Variants in PEBP4 observed in about 807,000 individuals in gnomAD.
PEBP4 encodes the protein phosphatidylethanolamine binding protein 4.
Under a neutral mutation model 23.9 loss-of-function variants are expected in PEBP4, and 22 were observed. The observed-to-expected ratio is 0.92, with a 90% CI of 0.66 to 1.31. The LOEUF (loss-of-function observed/expected upper bound fraction) is 1.31. PEBP4 is among the 40% of genes most tolerant of loss of function. The pLI is 0.00. For missense variants in PEBP4, 324 were observed against 281.7 expected (o/e 1.15, Z -1.07); for synonymous variants, 112 against 99.3 (o/e 1.13, Z -0.76).
chr8:22,898,641 A>G (rs958544263), intron 3 of PEBP4, among the ~76,000 whole-genome samples: 1 of 152,148 alleles, frequency 6.6e-6, no homozygotes, highest in South Asian at 2.1e-4. Flanking sequence ...CGCCCTGCAC[A>G]CCCAAGTGAA....
intron 3 of PEBP4, among the ~76,000 whole-genome samples, chr8:22,878,862 C>A (rs1344433479): frequency 6.6e-6 from 1 of 152,176 alleles, no homozygotes; most frequent in Non-Finnish European, 1.5e-5. Context: ...CACGGGCAGA[C>A]CCTGGAGGCT....
chr8:22,920,485 C>G (rs1809177256), intron 2 of PEBP4, among the ~76,000 whole-genome samples, 175 bp from the exon 3 acceptor site: 1 of 152,162 alleles, frequency 6.6e-6, no homozygotes, highest in South Asian at 2.1e-4. Context: ...CCTCAGTTTC[C>G]TCACCTGTAA....
At chr8:22,850,626 T>C (rs930304224) in intron 3 of PEBP4, among the ~76,000 whole-genome samples, 2 of 152,230 alleles carry the variant, frequency 1.3e-5, no homozygotes, top group Non-Finnish European at 2.9e-5. Context: ...CCTAGCTCTG[T>C]CTGTGGAACC....
chr8:22,737,510 C>T (rs930105830), intron 4 of PEBP4, among the ~76,000 whole-genome samples: 2 of 152,036 alleles, frequency 1.3e-5, no homozygotes, highest in African/African-American at 2.4e-5. Context: ...CCAGGAAATT[C>T]CCCGCTAAGG....
At chr8:22,725,999 A>ATGTGTG (rs10680983) in intron 5 of PEBP4, among the ~76,000 whole-genome samples, 7,952 of 146,366 alleles carry the variant, frequency 0.054, 261 homozygotes, top group East Asian at 0.12. Flanking sequence ...GATCAGATAT[A>ATGTGTG]TGTGTGTGTG....
At chr8:22,824,278 AG>A (rs1806922632) in intron 3 of PEBP4, among the ~76,000 whole-genome samples, 1 of 152,156 alleles carries the variant, frequency 6.6e-6, no homozygotes. Context: ...GGAAAAAAAA[AG>A]TCATGGTGAG....
At chr8:22,735,889 T>C (rs1804850545) in intron 4 of PEBP4, among the ~76,000 whole-genome samples, 1 of 152,256 alleles carries the variant, frequency 6.6e-6, no homozygotes, top group Non-Finnish European at 1.5e-5. Context: ...AAGGGCTACA[T>C]GTTCCTTGTA....
chr8:22,731,825 AT>A (rs572580381), intron 4 of PEBP4, among the ~76,000 whole-genome samples: 12,555 of 141,288 alleles, frequency 0.089, 808 homozygotes, highest in African/African-American at 0.2. Context: ...CGCCCGGCTA[AT>A]TTTTTTTTTT....
chr8:22,906,507 T>TA (rs1420193002), intron 3 of PEBP4, among the ~76,000 whole-genome samples: 4 of 152,108 alleles, frequency 2.6e-5, no homozygotes, highest in African/African-American at 9.7e-5. Flanking sequence ...CTTAAATCTT[T>TA]AAAAAAACAA....
At chr8:22,783,456 G>C (rs1356232818) in intron 4 of PEBP4, among the ~76,000 whole-genome samples, 1 of 152,214 alleles carries the variant, frequency 6.6e-6, no homozygotes, top group Non-Finnish European at 1.5e-5. Context: ...GCCCTCCAAA[G>C]GCAGTGGCGC....
chr8:22,888,667 C>T (rs952738103), intron 3 of PEBP4, among the ~76,000 whole-genome samples: 2 of 151,564 alleles, frequency 1.3e-5, no homozygotes, highest in Admixed American at 1.3e-4. Context: ...CTTCCTAAAC[C>T]ATTAATTTCA....
At chr8:22,912,260 A>C (rs533935287) in intron 3 of PEBP4, among the ~76,000 whole-genome samples, 17 of 152,314 alleles carry the variant, frequency 1.1e-4, no homozygotes, top group Middle Eastern at 3.4e-3. Flanking sequence ...AAGTGATAAC[A>C]ACAACAATGG....
intron 3 of PEBP4, among the ~76,000 whole-genome samples, chr8:22,828,006 A>G (rs886600490): frequency 4.6e-5 from 7 of 152,192 alleles, no homozygotes; most frequent in Admixed American, 2.0e-4. Flanking sequence ...CTTATTGACT[A>G]TTTTTATATC....
intron 3 of PEBP4, among the ~76,000 whole-genome samples, chr8:22,899,762 C>A (rs983844197): frequency 1.3e-5 from 2 of 152,174 alleles, no homozygotes; most frequent in African/African-American, 4.8e-5. Context: ...TCGCAGAATT[C>A]GTGCATGCAC....
intron 6 of PEBP4, among the ~76,000 whole-genome samples, chr8:22,714,630 G>A (rs761945325): frequency 1.3e-5 from 2 of 151,944 alleles, no homozygotes; most frequent in Non-Finnish European, 2.9e-5. Flanking sequence ...CTAGGCAGTG[G>A]TCGATACACA....
intron 1 of PEBP4, among the ~76,000 whole-genome samples, chr8:22,933,607 G>T (rs753641839): frequency 2.6e-4 from 39 of 152,162 alleles, no homozygotes; most frequent in Non-Finnish European, 5.6e-4. Flanking sequence ...AATTAAGAAA[G>T]TCCCAGATAA....
chr8:22,768,029 C>T (rs1805644078), intron 4 of PEBP4, among the ~76,000 whole-genome samples: 1 of 152,184 alleles, frequency 6.6e-6, no homozygotes, highest in Non-Finnish European at 1.5e-5. Context: ...GCCACTGTGC[C>T]CGGCCTATAA....
chr8:22,913,329 T>C (rs899173096), intron 3 of PEBP4, among the ~76,000 whole-genome samples: 1 of 152,174 alleles, frequency 6.6e-6, no homozygotes, highest in Non-Finnish European at 1.5e-5. Flanking sequence ...TGGAGCCTGG[T>C]GACTCCTGCT....
chr8:22,825,784 G>A (rs1296691075), intron 3 of PEBP4, among the ~76,000 whole-genome samples: 1 of 152,238 alleles, frequency 6.6e-6, no homozygotes, highest in Non-Finnish European at 1.5e-5. Context: ...TGAGGAAACA[G>A]TAGGATGTCT....
Sources: gnomAD v4.1 joint callset for allele counts (sites outside exome capture counted in the v4.1 genomes callset) on GRCh38, gnomAD v4.1.1 for gene constraint, MANE v1.5 for transcripts, NCBI Gene and HGNC (gene_info 2026-07-23, HGNC 2026-07-21) for gene names.